TRIM42: variants seen among roughly 807,000 people sequenced by gnomAD.
TRIM42 encodes the protein tripartite motif containing 42.
In TRIM42, 59 loss-of-function variants were observed where a neutral mutation model predicts 64.9. The ratio of observed to expected loss-of-function variants is 0.91; its 90% CI spans 0.74 to 1.13. The LOEUF is 1.13. Ranked by LOEUF, TRIM42 falls within the 50% of genes most tolerant of loss-of-function variation. The probability of loss-of-function intolerance (pLI) is 0.00; values close to 1 mark genes in which losing one functional copy is unlikely to be tolerated. For synonymous variants in TRIM42, 354 were observed against 346.3 expected, an observed-to-expected ratio of 1.02 and a Z score of -0.25; for missense variants, 878 against 929.5, an observed-to-expected ratio of 0.94 and a Z score of 0.72.
At position 140,688,212 on chromosome 3, in the gene TRIM42, G is replaced by GCA; in HGVS notation, c.1532_1533dup (p.Ser512ThrfsTer5). Reference sequence around the variant, plus strand: ...ACTCCCTGCCCTCCCCCTACCCCGTGCACTCAGAAACAATGATTGCCAGGA... The same window carrying GCA: ...ACTCCCTGCCCTCCCCCTACCCCGTGCACACTCAGAAACAATGATTGCCAGGA... On this transcript the variant is annotated frameshift_variant, in exon 3 of 5. Coordinates refer to ENST00000286349, the MANE Select transcript of TRIM42 (RefSeq NM_152616.5). LOFTEE classifies it high-confidence loss of function. 1.2e-6 allele frequency: 2 copies of GCA among 1,614,192 alleles called. No individual in the cohort carries two copies. The highest frequency in any genetic ancestry group is 1.7e-6 in the Non-Finnish European group (2 of 1,180,028).
At chr3:140,684,309 GC>G (rs1417993055) in intron 2 of TRIM42, among the ~76,000 whole-genome samples, 3 of 152,170 alleles carry the variant, frequency 2.0e-5, no homozygotes, top group African/African-American at 7.2e-5. Flanking sequence ...TTTGTGCTAA[GC>G]AGTGACCAGA....
Position 140,688,093 on chromosome 3 carries a change from T to C in TRIM42, c.1411T>C (p.Ser471Pro), listed in dbSNP as rs767016454. The C allele has an allele frequency of 8.1e-6, 13 of 1,613,914 alleles. No individual in the cohort carries two copies. Among genetic ancestry groups the C allele is most frequent in the Non-Finnish European group, 1.1e-5 (13 of 1,179,856 alleles). Residue 471 changes from serine to proline, a missense_variant, in exon 3 of 5, where the codon TCA becomes CCA. Transcript: ENST00000286349. ...YRPDPQLRLH[S>P]INYVPLDFVE... ...GCCTGACCCACAGCTCCGGCTGCACTCAATAAACTACGTGCCCTTGGACTT... is the reference window on the plus strand; with the variant it reads ...GCCTGACCCACAGCTCCGGCTGCACCCAATAAACTACGTGCCCTTGGACTT...
chr3:140,698,383 A>G (rs1186573577), intron 4 of TRIM42, among the ~76,000 whole-genome samples: 1 of 152,202 alleles, frequency 6.6e-6, no homozygotes, highest in Non-Finnish European at 1.5e-5. Flanking sequence ...GTTTTCCTAC[A>G]TAGGTGCACA....
chr3:140,696,381 C>G (rs988414489), intron 4 of TRIM42, among the ~76,000 whole-genome samples: 3 of 152,146 alleles, frequency 2.0e-5, no homozygotes, highest in Non-Finnish European at 4.4e-5. Context: ...CTGATAACAC[C>G]TGATCTTTCA....
At chr3:140,689,441 T>G (rs993074156) in intron 3 of TRIM42, among the ~76,000 whole-genome samples, 2 of 152,150 alleles carry the variant, frequency 1.3e-5, no homozygotes, top group African/African-American at 4.8e-5. Flanking sequence ...TTCTCAAACA[T>G]TGATGTGCAC....
At chr3:140,694,160 G>A (rs2107765852) in intron 4 of TRIM42, among the ~76,000 whole-genome samples, 1 of 152,292 alleles carries the variant, frequency 6.6e-6, no homozygotes, top group South Asian at 2.1e-4. Flanking sequence ...TTTACTCTGG[G>A]AGAATGATGT....
chr3:140,678,132 A>G lies in TRIM42; in HGVS notation c.-98A>G. 1.8e-6 allele frequency: 2 copies of G among 1,137,326 alleles called. No homozygotes were observed. The highest frequency in any genetic ancestry group is 2.6e-6 in the Non-Finnish European group (2 of 778,064). 70.5% of individuals were successfully genotyped at this position (1,137,326 alleles called of 1,614,324 possible). A position where few individuals can be genotyped will look rare whatever the true frequency, so the allele number is the denominator to read the frequency against. Reference sequence around the variant, plus strand: ...AACTTTCAAGCTGACGGCCTCAGGAATGGGAGGAAGGACTCCTCCACTGGA... The same window carrying G: ...AACTTTCAAGCTGACGGCCTCAGGAGTGGGAGGAAGGACTCCTCCACTGGA... On this transcript the variant is annotated 5_prime_UTR_variant, in exon 1 of 5. The change abolishes an upstream ATG in the 5' untranslated region. Coordinates refer to ENST00000286349, the MANE Select transcript of TRIM42 (RefSeq NM_152616.5).
chr3:140,682,053 A>G (rs1362673122), intron 1 of TRIM42, among the ~76,000 whole-genome samples: 2 of 152,126 alleles, frequency 1.3e-5, no homozygotes, highest in Non-Finnish European at 2.9e-5. Context: ...GTGTTTTGAT[A>G]TTACCGATGT....
rs914227334 is a variant in TRIM42 at position 140,694,785 on chromosome 3, C to T, written c.2085+3593C>T. Among the ~76,000 whole-genome samples the T allele has an allele frequency of 5.3e-5, 8 of 152,294 alleles. No individual in the cohort carries two copies. In the South Asian group the frequency reaches 1.0e-3, roughly 20 times the overall value. On this transcript the variant is annotated intron_variant, in intron 4 of 4. Coordinates refer to ENST00000286349, the MANE Select transcript of TRIM42 (RefSeq NM_152616.5). ...CTTTTTCCAGCTTCTAGAAGCCACC[C>T]GCATTCCTTGCCTCATGCCCCTTCC...
chr3:140,684,227 A>G (rs1272252888), intron 2 of TRIM42, among the ~76,000 whole-genome samples: 1 of 152,242 alleles, frequency 6.6e-6, no homozygotes, highest in Admixed American at 6.5e-5. Flanking sequence ...CAGGGAGCTA[A>G]TAAGTGGCAG....
chr3:140,693,276 G>A (rs1347631011), intron 4 of TRIM42, among the ~76,000 whole-genome samples: 1 of 152,240 alleles, frequency 6.6e-6, no homozygotes, highest in Non-Finnish European at 1.5e-5. Context: ...GTGTTTATGT[G>A]ATTAATTTGC....
chr3:140,691,336 G>C (rs1988707877), intron 4 of TRIM42, 144 bp downstream of exon 4: 2 of 716,396 alleles, frequency 2.8e-6, no homozygotes, highest in South Asian at 3.7e-5. Flanking sequence ...TGAGGCCAAA[G>C]AGAGGGCTGC....
intron 2 of TRIM42, among the ~76,000 whole-genome samples, chr3:140,683,391 G>A (rs1988468025): frequency 6.6e-6 from 1 of 152,190 alleles, no homozygotes; most frequent in South Asian, 2.1e-4. Context: ...TATGAAACGG[G>A]AATAGTAGTG....
Position 140,701,118 on chromosome 3 carries a change from A to C in TRIM42, c.*144A>C. ...ATGACCTCTCAGCTTTCCAACAGGA[A>C]TCTTGTAAGAGCTAATAAAAGGAAA... On this transcript the variant is annotated 3_prime_UTR_variant, in exon 5 of 5. Coordinates refer to ENST00000286349, the MANE Select transcript of TRIM42 (RefSeq NM_152616.5). The C allele has an allele frequency of 1.6e-6, 1 of 638,556 alleles. No homozygotes were observed. The allele number at this position is 638,556 out of a possible 1,614,324, so 39.6% of individuals were successfully genotyped here.
Position 140,692,530 on chromosome 3 carries a change from T to TACACACACACACACACACAC in TRIM42, c.2085+1352_2085+1371dup, listed in dbSNP as rs1553763786. 1.8e-3 allele frequency among the ~76,000 whole-genome samples: 190 copies of TACACACACACACACACACAC among 108,404 alleles called. 4 individuals are homozygous for TACACACACACACACACACAC. Among genetic ancestry groups the TACACACACACACACACACAC allele is most frequent in the East Asian group, 6.5e-3 (24 of 3,718 alleles). The allele number at this position is 108,404 out of a possible 152,430, so 71.1% of individuals were successfully genotyped here. On this transcript the variant is annotated intron_variant, in intron 4 of 4. Coordinates refer to ENST00000286349, the MANE Select transcript of TRIM42 (RefSeq NM_152616.5). ...CCATGGACACACACACACATACACA[T>TACACACACACACACACACAC]ACACACACACACACACACACACACA...
intron 3 of TRIM42, among the ~76,000 whole-genome samples, chr3:140,688,937 G>A (rs375194232): frequency 6.6e-6 from 1 of 152,208 alleles, no homozygotes; most frequent in Non-Finnish European, 1.5e-5. Context: ...TAGAAATGCA[G>A]GCTCCATTAC....
In TRIM42 at chr3:140,688,152, C is replaced by T. The variant is rs772097041; in HGVS notation, c.1470C>T (p.Phe490=). The T allele has an allele frequency of 2.5e-6, 4 of 1,614,084 alleles. No homozygotes were observed. Among genetic ancestry groups the T allele is most frequent in the South Asian group, 1.1e-5 (1 of 91,086 alleles). Residue 490 remains phenylalanine (F), a synonymous_variant, in exon 3 of 5, where the codon TTC becomes TTT. Transcript: ENST00000286349. ...VELSSAIHEL[F]PTGPKKVRSS... ...TTTCCAGTGCCATCCATGAGCTCTT[C>T]CCCACAGGGCCCAAGAAGGTACGCT...
In TRIM42 at chr3:140,688,143, T is replaced by C. The variant is rs1265777682; in HGVS notation, c.1461T>C (p.His487=). The change falls in exon 3 of 5, where the codon CAT becomes CAC. Residue 487 remains histidine (H), a synonymous_variant. Transcript: ENST00000286349. ...LDFVELSSAI[H]ELFPTGPKKV... ...TTGTTGAGCTTTCCAGTGCCATCCATGAGCTCTTCCCCACAGGGCCCAAGA... is the reference window on the plus strand; with the variant it reads ...TTGTTGAGCTTTCCAGTGCCATCCACGAGCTCTTCCCCACAGGGCCCAAGA... 1.9e-6 allele frequency: 3 copies of C among 1,614,174 alleles called. No individual in the cohort carries two copies. The highest frequency in any genetic ancestry group is 2.2e-5 in the East Asian group (1 of 44,872).
chr3:140,682,578 G>A lies in TRIM42; in HGVS notation c.458G>A (p.Arg153His), dbSNP rs141726317. 5 of 1,614,120 alleles carry A rather than the reference G, an allele frequency of 3.1e-6. No homozygotes were observed. In the African/African-American group the frequency reaches 6.7e-5, roughly 22 times the overall value. The change falls in exon 2 of 5, where the codon CGC (arginine) becomes CAC (histidine). Residue 153 changes from arginine (R) to histidine (H), a missense_variant. Transcript: ENST00000286349. ...HLNCPMCSRL[R>H]LHSFMLPCNH... is the part of the protein sequence containing the mutation. ...AATTGCCCCATGTGCAGCCGGCTGC[G>A]CCTGCACTCATTCATGCTGCCCTGC...
Sources: allele counts gnomAD v4.1 joint callset (sites outside exome capture counted in the v4.1 genomes callset), GRCh38; gene constraint gnomAD v4.1.1; transcripts MANE v1.5; gene names NCBI Gene and HGNC (gene_info 2026-07-23, HGNC 2026-07-21).